Variants in ROCK2 observed in about 807,000 individuals in gnomAD.
The protein encoded by ROCK2 is Rho associated coiled-coil containing protein kinase 2.
Under a neutral mutation model 195.1 loss-of-function variants are expected in ROCK2, and 61 were observed. The ratio of observed to expected loss-of-function variants is 0.31; its 90% CI spans 0.25 to 0.39. The LOEUF is 0.39. Ranked by LOEUF, ROCK2 falls within the 10% of genes least tolerant of loss-of-function variation. ROCK2 has a pLI of 1.00. For missense variants in ROCK2, 1,109 were observed against 1,637.4 expected (o/e 0.68, Z 5.57); for synonymous variants, 504 against 545.5 (o/e 0.92, Z 1.06).
intron 9 of ROCK2, 99 bp from the exon 10 acceptor site, chr2:11,219,125 TTC>T: frequency 3.5e-6 from 2 of 565,144 alleles, no homozygotes; most frequent in Non-Finnish European, 6.2e-6. Flanking sequence ...AAACACAGAT[TTC>T]TCTCTTTTCC....
intron 1 of ROCK2, 59 bp downstream of exon 1, chr2:11,343,937 G>A: frequency 6.5e-7 from 1 of 1,543,418 alleles, no homozygotes; most frequent in Non-Finnish European, 8.7e-7. Context: ...AGGGCTGGGC[G>A]GAGAGGGGAT....
chr2:11,257,305 G>A (rs1456671851), intron 3 of ROCK2, among the ~76,000 whole-genome samples: 4 of 151,250 alleles, frequency 2.6e-5, no homozygotes, highest in African/African-American at 7.4e-5. Context: ...TTAGAGCTGC[G>A]GGCGACGGCA....
At chr2:11,273,978 C>A in intron 3 of ROCK2, among the ~76,000 whole-genome samples, 1 of 147,588 alleles carries the variant, frequency 6.8e-6, no homozygotes. Flanking sequence ...AGAAAATCCA[C>A]AAAAACATGG....
intron 3 of ROCK2, among the ~76,000 whole-genome samples, chr2:11,276,111 C>T (rs1458728516): frequency 1.3e-5 from 2 of 152,220 alleles, no homozygotes; most frequent in Admixed American, 1.3e-4. Flanking sequence ...GAATATCATA[C>T]TCAATAGTGA....
At chr2:11,213,590 A>G (rs1161263739) in intron 17 of ROCK2, among the ~76,000 whole-genome samples, 1 of 70,142 alleles carries the variant, frequency 1.4e-5, no homozygotes, top group Non-Finnish European at 4.0e-5. Flanking sequence ...CATGCCTTTA[A>G]ACGATTAAAA....
intron 4 of ROCK2, 46 bp downstream of exon 4, chr2:11,249,615 C>A: frequency 1.5e-6 from 2 of 1,368,286 alleles, no homozygotes; most frequent in East Asian, 2.6e-5. Context: ...AATAATAAAG[C>A]ACTCATAAAA....
At chr2:11,202,680 T>C (rs964233471) in intron 20 of ROCK2, among the ~76,000 whole-genome samples, 6 of 152,022 alleles carry the variant, frequency 3.9e-5, no homozygotes, top group Non-Finnish European at 1.5e-5. Context: ...GTATTTTTAG[T>C]AGAGACGGGG....
intron 32 of ROCK2, among the ~76,000 whole-genome samples, chr2:11,189,708 G>A (rs560960409): frequency 2.8e-4 from 43 of 152,208 alleles, no homozygotes; most frequent in African/African-American, 9.6e-4. Flanking sequence ...CTGGCCAGGC[G>A]TGGTGGCTCA....
intron 10 of ROCK2, 25 bp downstream of exon 10, chr2:11,218,941 T>C: frequency 7.7e-7 from 1 of 1,297,368 alleles, no homozygotes; most frequent in Non-Finnish European, 1.1e-6. Flanking sequence ...CTAAAATAAC[T>C]ACAGCAGTAA....
intron 18 of ROCK2, among the ~76,000 whole-genome samples, chr2:11,209,155 C>T (rs1458412472): frequency 2.0e-5 from 3 of 152,178 alleles, no homozygotes; most frequent in Admixed American, 6.5e-5. Flanking sequence ...CTCCATAGGA[C>T]TTTCCATGTT....
chr2:11,208,243 A>ATTC, intron 19 of ROCK2, 44 bp downstream of exon 19: 1 of 840,342 alleles, frequency 1.2e-6, no homozygotes, highest in Non-Finnish European at 1.6e-6. Context: ...TAAACCTATT[A>ATTC]ATTCATTAGT....
intron 1 of ROCK2, among the ~76,000 whole-genome samples, chr2:11,305,992 T>C (rs1160144432): frequency 6.6e-6 from 1 of 152,122 alleles, no homozygotes; most frequent in Non-Finnish European, 1.5e-5. Flanking sequence ...TTCTACAAAA[T>C]AAATGGCTTG....
intron 1 of ROCK2, among the ~76,000 whole-genome samples, chr2:11,333,541 A>C (rs542537371): frequency 5.3e-5 from 8 of 152,368 alleles, no homozygotes; most frequent in Middle Eastern, 3.4e-3. Context: ...AAAAAAAGAA[A>C]TACTACAAAC....
rs1172114181 is a variant in ROCK2, at chr2:11,182,570, A to T, written c.*867T>A. 6.6e-6 allele frequency: 1 copy of T among 152,442 alleles called. No individual in the cohort carries two copies. Among genetic ancestry groups the T allele is most frequent in the East Asian group, 1.9e-4 (1 of 5,200 alleles). 9.4% of individuals were successfully genotyped at this position (152,442 alleles called of 1,614,324 possible). A position where few individuals can be genotyped will look rare whatever the true frequency, so the allele number is the denominator to read the frequency against. The stretch of plus-strand genomic sequence containing the variant: ...AAAATAGGCTGACATTGATATAACT[A>T]TTTATGTGTAAAAATAGTGCACGAT... On this transcript the variant is annotated 3_prime_UTR_variant, in exon 33 of 33. Transcript: ENST00000315872.
chr2:11,282,885 T>C (rs1667055733), intron 3 of ROCK2, among the ~76,000 whole-genome samples: 1 of 152,062 alleles, frequency 6.6e-6, no homozygotes, highest in African/African-American at 2.4e-5. Context: ...GAATTTGTTA[T>C]ACAAAGAACT....
chr2:11,317,574 ATT>A (rs1179887148), intron 1 of ROCK2, among the ~76,000 whole-genome samples: 1 of 55,072 alleles, frequency 1.8e-5, no homozygotes, highest in African/African-American at 8.7e-5. Flanking sequence ...TGATCTACAC[ATT>A]TATATATATA....
chr2:11,305,205 GTCTT>G (rs1206663525), intron 1 of ROCK2, among the ~76,000 whole-genome samples: 1 of 152,042 alleles, frequency 6.6e-6, no homozygotes, highest in East Asian at 1.9e-4. Context: ...GCGAAACCCT[GTCTT>G]TACTAAAAAT....
intron 5 of ROCK2, among the ~76,000 whole-genome samples, chr2:11,227,954 A>G (rs1438768847): frequency 1.3e-5 from 2 of 152,218 alleles, no homozygotes; most frequent in Non-Finnish European, 1.5e-5. Flanking sequence ...TCCAAGCTAT[A>G]TATTTAGAAA....
intron 1 of ROCK2, among the ~76,000 whole-genome samples, chr2:11,309,691 T>C (rs1291706613): frequency 6.6e-6 from 1 of 152,158 alleles, no homozygotes; most frequent in Admixed American, 6.5e-5. Flanking sequence ...AATTACTGTA[T>C]TACATCAGCT....
Sources: gnomAD v4.1 joint callset for allele counts (sites outside exome capture counted in the v4.1 genomes callset) on GRCh38, gnomAD v4.1.1 for gene constraint, MANE v1.5 for transcripts, NCBI Gene and HGNC (gene_info 2026-07-23, HGNC 2026-07-21) for gene names.